MYO16: variants seen among roughly 807,000 people sequenced by gnomAD.
MYO16 encodes the protein myosin XVI, also known as unconventional myosin-XVI.
MYO16 carries 94 observed loss-of-function variants against 205.3 expected under a neutral mutation model. The observed-to-expected ratio is 0.46, with a 90% confidence interval of 0.39 to 0.54. The LOEUF (loss-of-function observed/expected upper bound fraction) is 0.54. Among genes scored for constraint, MYO16 ranks in the 20% least tolerant of loss-of-function variants. The pLI is 0.00. For missense variants in MYO16, 2,315 were observed against 2,387.5 expected, an observed-to-expected ratio of 0.97 and a Z score of 0.63; for synonymous variants, 988 against 954.0, an observed-to-expected ratio of 1.04 and a Z score of -0.66.
chr13:109,104,475 C>T (rs982777918), intron 28 of MYO16, among the ~76,000 whole-genome samples: 8 of 100,520 alleles, frequency 8.0e-5, no homozygotes, highest in Non-Finnish European at 1.5e-4. Flanking sequence ...TAGCACAATG[C>T]CTTTGCACCC....
At chr13:108,997,318 AAGAAAGAAAGAAAGAAAGAAAGAGAGAG>A (rs1885040745) in intron 21 of MYO16, among the ~76,000 whole-genome samples, 2 of 43,780 alleles carry the variant, frequency 4.6e-5, no homozygotes, top group African/African-American at 8.4e-5. Flanking sequence ...GAAAGAAAGA[AAGAAAGAAAGAAAGAAAGAAAGAGAGAG>A]AGAGAGAGAG....
chr13:108,583,743 G>C, the MYO16 span, among the ~76,000 whole-genome samples: 37 of 152,186 alleles, frequency 2.4e-4, no homozygotes, highest in East Asian at 7.0e-3. Context: ...GCTGATTGTG[G>C]CACAAGGTAG....
intron 20 of MYO16, among the ~76,000 whole-genome samples, chr13:108,977,446 C>T (rs139628928): frequency 4.6e-5 from 7 of 152,310 alleles, no homozygotes; most frequent in African/African-American, 1.7e-4. Flanking sequence ...GCGAAGTCGA[C>T]GTCTTCTGGC....
the MYO16 span, among the ~76,000 whole-genome samples, chr13:108,566,772 AG>A: frequency 6.8e-6 from 1 of 146,806 alleles, no homozygotes; most frequent in East Asian, 2.1e-4. Context: ...GAAGGAAGGA[AG>A]GAAGGAAGGA....
intron 1 of MYO16, among the ~76,000 whole-genome samples, chr13:108,603,147 G>A (rs1321925995): frequency 3.9e-5 from 6 of 152,072 alleles, no homozygotes; most frequent in East Asian, 1.9e-4. Flanking sequence ...CACACATCTC[G>A]CCTAAAAACC....
intron 27 of MYO16, among the ~76,000 whole-genome samples, chr13:109,091,833 A>C (rs1408332464): frequency 6.6e-6 from 1 of 152,208 alleles, no homozygotes; most frequent in Non-Finnish European, 1.5e-5. Flanking sequence ...GGTTCTCCCC[A>C]AATATTATTT....
intron 34 of MYO16, among the ~76,000 whole-genome samples, chr13:109,195,171 A>T (rs533252436): frequency 6.6e-6 from 1 of 152,250 alleles, no homozygotes; most frequent in African/African-American, 2.4e-5. Flanking sequence ...AAAAAATGCA[A>T]ATCCTCTCTC....
chr13:108,730,706 T>C (rs1884492994), intron 4 of MYO16, among the ~76,000 whole-genome samples: 1 of 152,186 alleles, frequency 6.6e-6, no homozygotes, highest in African/African-American at 2.4e-5. Flanking sequence ...GATTAAAAAA[T>C]GGCACCAATC....
chr13:108,540,385 A>C, the MYO16 span, among the ~76,000 whole-genome samples: 1 of 152,222 alleles, frequency 6.6e-6, no homozygotes, highest in Non-Finnish European at 1.5e-5. Flanking sequence ...ATATTGGAAA[A>C]ACTTTTTTTG....
intron 23 of MYO16, among the ~76,000 whole-genome samples, chr13:109,031,947 G>A (rs1040109717): frequency 2.0e-5 from 3 of 152,078 alleles, no homozygotes; most frequent in African/African-American, 4.8e-5. Context: ...GACATTGTAC[G>A]GTGGCCTAGA....
intron 1 of MYO16, among the ~76,000 whole-genome samples, chr13:108,644,100 C>T (rs1594170152): frequency 1.3e-5 from 2 of 152,202 alleles, no homozygotes; most frequent in South Asian, 2.1e-4. Context: ...GTTCCTCTTT[C>T]TTTACCTGGC....
In MYO16 at chr13:108,959,986, A is replaced by AAG. The variant is rs200669467; in HGVS notation, c.2038-1552_2038-1551insGA. 7.8e-3 allele frequency among the ~76,000 whole-genome samples: 1,188 copies of AAG among 152,014 alleles called. 6 individuals carry two copies. The highest frequency in any genetic ancestry group is 0.014 in the Non-Finnish European group (935 of 67,914). On this transcript the variant is annotated intron_variant, in intron 17 of 34. Transcript: ENST00000457511. ...CTAATTGATTTAAAGGAAAAAAAAA[A>AAG]AAAAAGCTGGGCATGGTGGTGCACG... is the stretch of plus-strand genomic sequence containing the variant.
At chr13:109,109,505 A>G (rs1889218722) in intron 28 of MYO16, among the ~76,000 whole-genome samples, 2 of 151,862 alleles carry the variant, frequency 1.3e-5, no homozygotes, top group Non-Finnish European at 2.9e-5. Flanking sequence ...GAGCTGGGAA[A>G]CGAGTTCCCA....
At chr13:108,742,511 TAC>T (rs1336480645) in intron 4 of MYO16, among the ~76,000 whole-genome samples, 2 of 152,168 alleles carry the variant, frequency 1.3e-5, no homozygotes, top group Non-Finnish European at 2.9e-5. Flanking sequence ...TGTTTTATTT[TAC>T]AGTTTATATA....
At chr13:108,919,902 A>T (rs1254970761) in intron 16 of MYO16, among the ~76,000 whole-genome samples, 2 of 152,250 alleles carry the variant, frequency 1.3e-5, no homozygotes, top group Non-Finnish European at 2.9e-5. Flanking sequence ...ATGTAAGTGT[A>T]TTTATAATTC....
At chr13:108,908,463 G>T (rs1881094653) in intron 15 of MYO16, among the ~76,000 whole-genome samples, 2 of 152,052 alleles carry the variant, frequency 1.3e-5, no homozygotes. Context: ...AATTAAATTG[G>T]GAGACATCAC....
chr13:108,562,832 G>A, the MYO16 span, among the ~76,000 whole-genome samples: 1 of 152,174 alleles, frequency 6.6e-6, no homozygotes, highest in African/African-American at 2.4e-5. Context: ...GTGTGTAGGA[G>A]GCTGTCACAT....
intron 4 of MYO16, among the ~76,000 whole-genome samples, chr13:108,775,409 C>T (rs965821428): frequency 6.6e-6 from 1 of 152,044 alleles, no homozygotes; most frequent in Admixed American, 6.5e-5. Flanking sequence ...TTTTAATTCT[C>T]ATTATAAATG....
intron 2 of MYO16, among the ~76,000 whole-genome samples, chr13:108,668,858 C>G (rs139196431): frequency 6.6e-6 from 1 of 152,004 alleles, no homozygotes; most frequent in Non-Finnish European, 1.5e-5. Flanking sequence ...AGATGTAACT[C>G]CAGAGGGTGA....
Sources: gnomAD v4.1 joint callset for allele counts (sites outside exome capture counted in the v4.1 genomes callset) on GRCh38, gnomAD v4.1.1 for gene constraint, MANE v1.5 for transcripts, NCBI Gene and HGNC (gene_info 2026-07-23, HGNC 2026-07-21) for gene names.